ZNF483: variants seen among roughly 807,000 people sequenced by gnomAD.
ZNF483 encodes the protein zinc finger protein 483, also known as zinc finger protein HIT-10.
In ZNF483, 9 loss-of-function variants were observed where a neutral mutation model predicts 28.6. The ratio of observed to expected loss-of-function variants is 0.32; its 90% CI spans 0.19 to 0.55. The LOEUF is 0.55. ZNF483 is among the 20% of genes least tolerant of loss of function. ZNF483 has a pLI of 0.93. For missense variants in ZNF483, 675 were observed against 871.7 expected (o/e 0.77, Z 2.84); for synonymous variants, 322 against 306.2 (o/e 1.05, Z -0.54).
chr9:111,561,584 T>C (rs925826589), intron 5 of ZNF483, among the ~76,000 whole-genome samples: 4 of 152,162 alleles, frequency 2.6e-5, no homozygotes, highest in Non-Finnish European at 5.9e-5. Context: ...TTTAAGTTTT[T>C]CTTCATATAA....
At chr9:111,562,333 T>C (rs373389058) in intron 5 of ZNF483, among the ~76,000 whole-genome samples, 29 of 151,338 alleles carry the variant, frequency 1.9e-4, no homozygotes, top group Admixed American at 7.3e-4. Flanking sequence ...TGGAGTACAG[T>C]GGCGCAATCT....
intron 5 of ZNF483, among the ~76,000 whole-genome samples, chr9:111,537,769 G>C (rs894021942): frequency 3.9e-5 from 6 of 152,142 alleles, no homozygotes; most frequent in African/African-American, 1.4e-4. Context: ...TGGTATTACA[G>C]GCACATGCCA....
chr9:111,540,240 GT>G (rs770081825), intron 5 of ZNF483, among the ~76,000 whole-genome samples: 3 of 152,070 alleles, frequency 2.0e-5, no homozygotes, highest in Non-Finnish European at 2.9e-5. Context: ...AAATTATGCA[GT>G]TTTTCTGTTT....
At position 111,554,038 on chromosome 9, in the gene ZNF483, G is replaced by A. The variant is rs569825722; in HGVS notation, c.*10868G>A. Among the ~76,000 whole-genome samples, 1 of 152,308 alleles carries A rather than the reference G, an allele frequency of 6.6e-6. No homozygotes were observed. Among genetic ancestry groups the A allele is most frequent in the Admixed American group, 6.5e-5 (1 of 15,292 alleles). On this transcript the variant is annotated 3_prime_UTR_variant, in exon 6 of 6. Coordinates refer to ENST00000309235, the MANE Select transcript of ZNF483 (RefSeq NM_133464.5). The stretch of plus-strand genomic sequence containing the variant: ...TTTAAGCACTAGCCTAGAAACAGCT[G>A]AGAACCACAGGTTTCAAACTCGGTG...
rs974869129 is a variant in ZNF483, at chr9:111,554,172, A to G, written c.*11002A>G. On this transcript the variant is annotated 3_prime_UTR_variant, in exon 6 of 6. Coordinates refer to ENST00000309235, the MANE Select transcript of ZNF483 (RefSeq NM_133464.5). The stretch of plus-strand genomic sequence containing the variant: ...ATTGACATCACAAACTACTACTATT[A>G]TGTTATTGGAACTAACTACTTAGCA... Among the ~76,000 whole-genome samples the G allele has an allele frequency of 6.6e-6, 1 of 152,204 alleles. No individual in the cohort carries two copies. The highest frequency in any genetic ancestry group is 1.5e-5 in the Non-Finnish European group (1 of 68,040).
chr9:111,547,379 A>G lies in ZNF483; in HGVS notation c.*4209A>G, dbSNP rs1827831196. Among the ~76,000 whole-genome samples the G allele has an allele frequency of 6.6e-6, 1 of 152,016 alleles. No homozygotes were observed. The highest frequency in any genetic ancestry group is 2.4e-5 in the African/African-American group (1 of 41,406). On this transcript the variant is annotated 3_prime_UTR_variant, in exon 6 of 6. Transcript: ENST00000309235. ...GCATCTTATTCTAGTTTTGTTTTGCATTTCCCTAGTGATTAGTGATGTTAA... is the reference window on the plus strand; with the variant it reads ...GCATCTTATTCTAGTTTTGTTTTGCGTTTCCCTAGTGATTAGTGATGTTAA...
At chr9:111,574,706 T>C (rs139522852) in intron 5 of ZNF483, 1 of 1,523,876 alleles carries the variant, frequency 6.6e-7, no homozygotes, top group African/African-American at 1.4e-5. Flanking sequence ...CCTTGTGACA[T>C]ATGGGATCGT....
At chr9:111,539,338 G>A (rs1827608862) in intron 5 of ZNF483, 1 of 392,122 alleles carries the variant, frequency 2.6e-6, no homozygotes, top group South Asian at 1.9e-5. Context: ...AAGAATATTT[G>A]ACCAGAGATA....
chr9:111,561,625 T>A (rs1828324969), intron 5 of ZNF483, among the ~76,000 whole-genome samples: 1 of 152,216 alleles, frequency 6.6e-6, no homozygotes, highest in Admixed American at 6.5e-5. Flanking sequence ...TGTATAGACA[T>A]TCCTGTGTGT....
chr9:111,562,882 T>G, intron 5 of ZNF483: 1 of 1,202,456 alleles, frequency 8.3e-7, no homozygotes, highest in Admixed American at 3.5e-5. Flanking sequence ...AGCCATTATT[T>G]TCTACCACAA....
Position 111,561,104 on chromosome 9 carries a change from T to TAG in ZNF483, c.722-15260_722-15259insGA, listed in dbSNP as rs1465441902. Among the ~76,000 whole-genome samples the TAG allele has an allele frequency of 1.9e-3, 49 of 26,364 alleles. 1 individual carries two copies. Among genetic ancestry groups the TAG allele is most frequent in the Middle Eastern group, 0.013 (1 of 76 alleles). The allele number at this position is 26,364 out of a possible 152,430, so 17.3% of individuals were successfully genotyped here. A position where few individuals can be genotyped will look rare whatever the true frequency, so the allele number is the denominator to read the frequency against. On this transcript the variant is annotated intron_variant, in intron 5 of 5. Transcript: ENST00000358151. ...TCTAAAATATATATATATATATATA[T>TAG]ATATATAGAGAGAGAGAGAGAGAGA...
At position 111,542,562 on chromosome 9, in the gene ZNF483, C is replaced by T. The variant is rs1034572715; in HGVS notation, c.1627C>T (p.Arg543Ter). ...CAGTTCATCTCTTATTCAACATCAG[C>T]GAATTCATACTGGAGAAAAACCCTA... is the stretch of plus-strand genomic sequence containing the variant. ...SDSSSLIQHQ[R>*]IHTGEKPYTC... The change falls in exon 6 of 6, where the codon CGA (arginine) becomes TGA (stop). Residue 543 changes from arginine to a stop codon, truncating the protein, a stop_gained. Transcript: ENST00000309235. LOFTEE classifies it low-confidence loss of function (END_TRUNC). The surrounding 1 kb of genome is among the most constrained non-coding windows in gnomAD (Gnocchi z 6.2). The T allele has an allele frequency of 6.2e-7, 1 of 1,613,846 alleles. No homozygotes were observed. Among genetic ancestry groups the T allele is most frequent in the Non-Finnish European group, 8.5e-7 (1 of 1,179,960 alleles).
chr9:111,533,302 C>A (rs1437689021), intron 3 of ZNF483, among the ~76,000 whole-genome samples: 1 of 152,200 alleles, frequency 6.6e-6, no homozygotes, highest in Non-Finnish European at 1.5e-5. Flanking sequence ...TGTTCTGAAT[C>A]ACTTATAACA....
chr9:111,576,319 G>T (rs757405434), intron 5 of ZNF483: 5 of 1,603,842 alleles, frequency 3.1e-6, no homozygotes, highest in Non-Finnish European at 4.3e-6. Context: ...AATTTTATTT[G>T]TAACCTCAAA....
Position 111,541,796 on chromosome 9 carries a change from A to G in ZNF483, c.861A>G (p.Gln287=), listed in dbSNP as rs1338506130. Residue 287 remains glutamine (Q), a synonymous_variant, in exon 6 of 6, where the codon CAA becomes CAG. Coordinates refer to ENST00000309235, the MANE Select transcript of ZNF483 (RefSeq NM_133464.5). ...GAAATTCAAAAGGAAGAGTCGCACA[A>G]AACAAAACTCTTGGGAGTGGCAGTA... The part of the protein sequence containing the change: ...NQGNSKGRVA[Q]NKTLGSGSRG... 1.2e-6 allele frequency: 2 copies of G among 1,614,224 alleles called. No homozygotes were observed. The highest frequency in any genetic ancestry group is 2.7e-5 in the African/African-American group (2 of 75,058).
At chr9:111,560,607 C>T (rs900597780) in intron 5 of ZNF483, among the ~76,000 whole-genome samples, 2 of 126,692 alleles carry the variant, frequency 1.6e-5, no homozygotes, top group African/African-American at 3.1e-5. Flanking sequence ...TGCTACTGCA[C>T]GTCAGCCTGG....
At chr9:111,576,273 G>T in intron 5 of ZNF483, 1 of 1,320,644 alleles carries the variant, frequency 7.6e-7, no homozygotes. Flanking sequence ...CATTATTAGT[G>T]GATTTCATAT....
intron 5 of ZNF483, among the ~76,000 whole-genome samples, chr9:111,540,325 A>T (rs1052023321): frequency 2.0e-5 from 3 of 152,178 alleles, no homozygotes; most frequent in Admixed American, 2.0e-4. Flanking sequence ...AGGTAATATG[A>T]TTTTGAGTAA....
intron 1 of ZNF483, 46 bp from the exon 2 acceptor site, chr9:111,527,222 A>C: frequency 1.6e-6 from 1 of 612,468 alleles, no homozygotes; most frequent in Non-Finnish European, 2.7e-6. Flanking sequence ...TAGGACTAAC[A>C]ACAGTTTTTT....
Sources: allele counts gnomAD v4.1 joint callset (sites outside exome capture counted in the v4.1 genomes callset), GRCh38; gene constraint gnomAD v4.1.1; non-coding constraint Gnocchi (gnomAD v3.1); transcripts MANE v1.5; gene names NCBI Gene and HGNC (gene_info 2026-07-23, HGNC 2026-07-21).